MIPEP: variants seen among roughly 807,000 people sequenced by gnomAD.
MIPEP encodes the protein mitochondrial intermediate peptidase.
Under a neutral mutation model 90.3 loss-of-function variants are expected in MIPEP, and 79 were observed. The observed-to-expected ratio is 0.87, with a 90% confidence interval of 0.73 to 1.05. The LOEUF is 1.05. Among genes scored for constraint, MIPEP ranks in the 50% least tolerant of loss-of-function variants. MIPEP has a pLI of 0.00. For missense variants in MIPEP, 940 were observed against 905.6 expected (o/e 1.04, Z -0.49); for synonymous variants, 334 against 315.8 (o/e 1.06, Z -0.61).
intron 14 of MIPEP, among the ~76,000 whole-genome samples, chr13:23,826,942 G>A (rs1868481243): frequency 6.6e-6 from 1 of 152,186 alleles, no homozygotes; most frequent in African/African-American, 2.4e-5. Context: ...AACATGTACA[G>A]ACTTTTTTCT....
At chr13:23,751,480 G>A (rs1952440283) in intron 18 of MIPEP, among the ~76,000 whole-genome samples, 1 of 152,154 alleles carries the variant, frequency 6.6e-6, no homozygotes, top group East Asian at 1.9e-4. Flanking sequence ...CTGATGTTTG[G>A]TCCATTTGAA....
intron 8 of MIPEP, among the ~76,000 whole-genome samples, chr13:23,862,733 C>T (rs1353073120): frequency 1.3e-5 from 2 of 152,176 alleles, no homozygotes; most frequent in Non-Finnish European, 2.9e-5. Flanking sequence ...GGAATTTTAT[C>T]ATTGGCTACA....
intron 3 of MIPEP, among the ~76,000 whole-genome samples, chr13:23,880,323 A>T (rs1871225174): frequency 6.6e-6 from 1 of 152,136 alleles, no homozygotes; most frequent in Admixed American, 6.5e-5. Flanking sequence ...GTGAGTGTGG[A>T]GGCCTACCTC....
intron 5 of MIPEP, among the ~76,000 whole-genome samples, chr13:23,870,777 C>T (rs943187862): frequency 2.0e-5 from 3 of 152,072 alleles, no homozygotes; most frequent in Non-Finnish European, 1.5e-5. Flanking sequence ...TGTACTCCAG[C>T]CTGTGAGACA....
At chr13:23,830,435 C>A (rs955597408) in intron 14 of MIPEP, among the ~76,000 whole-genome samples, 1 of 152,154 alleles carries the variant, frequency 6.6e-6, no homozygotes, top group African/African-American at 2.4e-5. Context: ...CTCTGGGAGG[C>A]AAGCGGGGCA....
At chr13:23,754,836 T>C (rs1336203820) in intron 18 of MIPEP, among the ~76,000 whole-genome samples, 1 of 152,140 alleles carries the variant, frequency 6.6e-6, no homozygotes, top group East Asian at 1.9e-4. Flanking sequence ...ATGTACCCAA[T>C]CAGTAGCTTA....
intron 18 of MIPEP, among the ~76,000 whole-genome samples, chr13:23,740,669 A>G (rs141230634): frequency 1.0e-3 from 152 of 152,338 alleles, no homozygotes; most frequent in African/African-American, 3.3e-3. Context: ...TCCGATTCAT[A>G]AAGTCTGGGT....
chr13:23,882,712 A>C (rs1201527863), intron 2 of MIPEP, among the ~76,000 whole-genome samples: 2 of 152,222 alleles, frequency 1.3e-5, no homozygotes, highest in African/African-American at 4.8e-5. Context: ...TCACCACAAG[A>C]TAAAATTTCT....
chr13:23,781,389 C>T (rs889511927), intron 16 of MIPEP, among the ~76,000 whole-genome samples: 1 of 152,158 alleles, frequency 6.6e-6, no homozygotes, highest in African/African-American at 2.4e-5. Flanking sequence ...AAATACTTTA[C>T]AGACAAGCAA....
intron 18 of MIPEP, among the ~76,000 whole-genome samples, chr13:23,756,141 CTTTTT>C (rs1565982842): frequency 6.6e-6 from 1 of 152,132 alleles, no homozygotes; most frequent in Non-Finnish European, 1.5e-5. Context: ...TAAGACATTT[CTTTTT>C]TATTTGCTTA....
chr13:23,844,848 A>AT (rs1461469213), intron 10 of MIPEP, among the ~76,000 whole-genome samples: 1 of 152,230 alleles, frequency 6.6e-6, no homozygotes, highest in Non-Finnish European at 1.5e-5. Context: ...TAAGTATAGA[A>AT]TATAAGTTCA....
At chr13:23,731,967 AAT>A (rs1491113511) in intron 18 of MIPEP, among the ~76,000 whole-genome samples, 7 of 95,000 alleles carry the variant, frequency 7.4e-5, no homozygotes. Flanking sequence ...CAGAATAGCT[AAT>A]TTTTTTTTTT....
At chr13:23,868,831 G>GT (rs147422838) in intron 7 of MIPEP, among the ~76,000 whole-genome samples, 310 of 152,224 alleles carry the variant, frequency 2.0e-3, no homozygotes, top group African/African-American at 6.9e-3. Context: ...ACACACTTCC[G>GT]TAACACCTCA....
At chr13:23,875,010 G>T in intron 4 of MIPEP, 101 bp from the exon 5 acceptor site, 1 of 732,062 alleles carries the variant, frequency 1.4e-6, no homozygotes. Flanking sequence ...CAGCCTCACT[G>T]CCAAAAGTTT....
At chr13:23,844,875 T>C (rs907713954) in intron 10 of MIPEP, among the ~76,000 whole-genome samples, 11 of 152,308 alleles carry the variant, frequency 7.2e-5, no homozygotes, top group African/African-American at 2.4e-4. Flanking sequence ...ATTACAATAT[T>C]ACCCTAAAAT....
intron 18 of MIPEP, among the ~76,000 whole-genome samples, chr13:23,739,663 A>G (rs947628868): frequency 2.6e-5 from 4 of 152,210 alleles, no homozygotes; most frequent in African/African-American, 7.2e-5. Context: ...GACTCCCCAT[A>G]GGCATGGACC....
Position 23,887,426 on chromosome 13 carries a change from C to T in MIPEP, c.190-920G>A, listed in dbSNP as rs185744621. 2.8e-3 allele frequency among the ~76,000 whole-genome samples: 432 copies of T among 152,328 alleles called. 1 individual carries two copies. Among genetic ancestry groups the T allele is most frequent in the Middle Eastern group, 0.024 (7 of 294 alleles). ...ATTCTTTTACAGATCAGGCCACATGCTTTAAGACGTTAGAAAAAACTTGTT... is the reference window on the plus strand; with the variant it reads ...ATTCTTTTACAGATCAGGCCACATGTTTTAAGACGTTAGAAAAAACTTGTT... On this transcript the variant is annotated intron_variant, in intron 1 of 18. Coordinates refer to ENST00000382172, the MANE Select transcript of MIPEP (RefSeq NM_005932.4).
chr13:23,746,371 C>T (rs769743055), intron 18 of MIPEP, among the ~76,000 whole-genome samples: 4 of 151,756 alleles, frequency 2.6e-5, no homozygotes, highest in Non-Finnish European at 5.9e-5. Flanking sequence ...CAGTGGTTCA[C>T]GCCTGTAATC....
chr13:23,868,123 TGTAA>T lies in MIPEP; in HGVS notation c.943+1165_943+1168del, dbSNP rs112153330. 1.8e-3 allele frequency among the ~76,000 whole-genome samples: 275 copies of T among 151,704 alleles called. 1 individual carries two copies. Among genetic ancestry groups the T allele is most frequent in the African/African-American group, 6.4e-3 (266 of 41,368 alleles). The stretch of plus-strand genomic sequence containing the variant: ...GGAGCTTCGATTATATGAAAAAAAA[TGTAA>T]GTGTTTTAAGGGTTCGGGGACAAAG... On this transcript the variant is annotated intron_variant, in intron 7 of 18. Coordinates refer to ENST00000382172, the MANE Select transcript of MIPEP (RefSeq NM_005932.4).
Sources: allele counts gnomAD v4.1 joint callset (sites outside exome capture counted in the v4.1 genomes callset), GRCh38; gene constraint gnomAD v4.1.1; transcripts MANE v1.5; gene names NCBI Gene and HGNC (gene_info 2026-07-23, HGNC 2026-07-21).